Variants in SETD2 observed in about 807,000 individuals in gnomAD.
SETD2 encodes histone-lysine N-methyltransferase SETD2.
Under a neutral mutation model 242.1 loss-of-function variants are expected in SETD2, and 31 were observed. That is an observed-to-expected ratio of 0.13 (90% CI 0.10 to 0.17). SETD2 has a LOEUF of 0.17. Ranked by LOEUF, SETD2 falls within the 10% of genes least tolerant of loss-of-function variation. SETD2 has a pLI of 1.00. For synonymous variants in SETD2, 1,006 were observed against 1,066.5 expected (o/e 0.94, Z 1.11); for missense variants, 2,481 against 3,046.3 (o/e 0.81, Z 4.37).
chr3:47,075,043 A>T (rs1406737385), intron 12 of SETD2, among the ~76,000 whole-genome samples: 1 of 151,596 alleles, frequency 6.6e-6, no homozygotes, highest in Non-Finnish European at 1.5e-5. Flanking sequence ...CTGTGGCAGG[A>T]GAATGGCGTG....
intron 1 of SETD2, among the ~76,000 whole-genome samples, chr3:47,143,841 G>C (rs1431541985): frequency 1.3e-5 from 2 of 152,022 alleles, no homozygotes; most frequent in African/African-American, 4.8e-5. Flanking sequence ...CTCCCGAGTA[G>C]CTGGGACTAC....
intron 15 of SETD2, among the ~76,000 whole-genome samples, chr3:47,053,336 G>A (rs1365598314): frequency 6.6e-6 from 1 of 152,090 alleles, no homozygotes; most frequent in Non-Finnish European, 1.5e-5. Flanking sequence ...TTTATACTAT[G>A]TCAGTGCAAA....
chr3:47,074,132 T>C (rs902144564), intron 12 of SETD2, among the ~76,000 whole-genome samples: 5 of 152,198 alleles, frequency 3.3e-5, no homozygotes, highest in African/African-American at 4.8e-5. Flanking sequence ...TAAAATAATA[T>C]GCAGTTCTGA....
rs1575682673 is a variant in SETD2 at position 47,046,508 on chromosome 3, C to G, written c.7077G>C (p.Gly2359=). 4 of 1,607,752 alleles carry G rather than the reference C, an allele frequency of 2.5e-6. No individual in the cohort carries two copies. The highest frequency in any genetic ancestry group is 3.4e-6 in the Non-Finnish European group (4 of 1,176,484). The change falls in exon 16 of 21, where the codon GGG becomes GGC. Residue 2359 remains glycine, a synonymous_variant. Transcript: ENST00000409792. ...TTACTGGCTGCAAGGGCTGAGGCTG[C>G]CCTGGTGCAACTATTGTAGTCACTG... ...AAAVTTIVAP[G]QPQPLQPSEM...
chr3:47,100,647 A>G (rs2042173603), intron 8 of SETD2, among the ~76,000 whole-genome samples: 2 of 152,164 alleles, frequency 1.3e-5, no homozygotes, highest in Admixed American at 1.3e-4. Context: ...TTCAGTGTTA[A>G]TAAGAACTCT....
chr3:47,117,072 T>G (rs866062159), intron 3 of SETD2, among the ~76,000 whole-genome samples: 1 of 152,008 alleles, frequency 6.6e-6, no homozygotes, highest in African/African-American at 2.4e-5. Flanking sequence ...TCTATGTTAC[T>G]CAAGCTGGTC....
At chr3:47,048,092 T>C (rs1206286735) in intron 15 of SETD2, among the ~76,000 whole-genome samples, 1 of 152,032 alleles carries the variant, frequency 6.6e-6, no homozygotes, top group Non-Finnish European at 1.5e-5. Flanking sequence ...AAAAATACAG[T>C]ATAAAAATTT....
chr3:47,124,076 G>A lies in SETD2; in HGVS notation c.560C>T (p.Pro187Leu), dbSNP rs906591354. 3 of 1,551,796 alleles carry A rather than the reference G, an allele frequency of 1.9e-6. No homozygotes were observed. The African/African-American group carries it at 4.1e-5, about 21-fold the overall frequency. ...TGGAGGCGGTGGAGGCGGAGATGAG[G>A]GCGGTGAGTCTACAGTTGTTGATTC... ...IAESTTVDSP[P>L]SSPPPPPPPA... Residue 187 changes from proline (P) to leucine (L), a missense_variant, in exon 3 of 21, where the codon CCC becomes CTC. Pro to Leu is a moderately conservative substitution (Grantham distance 98, BLOSUM62 -3). Coordinates refer to ENST00000409792, the MANE Select transcript of SETD2 (RefSeq NM_014159.7).
chr3:47,082,820 C>A (rs1301426608), intron 12 of SETD2, among the ~76,000 whole-genome samples: 1 of 152,308 alleles, frequency 6.6e-6, no homozygotes, highest in East Asian at 1.9e-4. Context: ...ATCACAGGAT[C>A]TAATGGAGTG....
chr3:47,154,408 C>G (rs1194503623), intron 1 of SETD2, among the ~76,000 whole-genome samples: 1 of 150,208 alleles, frequency 6.7e-6, no homozygotes, highest in African/African-American at 2.5e-5. Flanking sequence ...GACTCCATAT[C>G]AAAAAGAAAG....
Position 47,122,503 on chromosome 3 carries a change from G to C in SETD2, c.2133C>G (p.Val711=), listed in dbSNP as rs749379736. 1.2e-6 allele frequency: 2 copies of C among 1,613,606 alleles called. No individual in the cohort carries two copies. The highest frequency in any genetic ancestry group is 1.7e-6 in the Non-Finnish European group (2 of 1,179,712). ...CATTTGATGAAAGCATGCATGCTTTGACCAAAGGGGATAATTCCGATCCAG... is the reference window on the plus strand; with the variant it reads ...CATTTGATGAAAGCATGCATGCTTTCACCAAAGGGGATAATTCCGATCCAG... ...SVTGSELSPL[V]KACMLSSNGF... Residue 711 remains valine, a synonymous_variant, in exon 3 of 21, where the codon GTC becomes GTG. Coordinates refer to ENST00000409792, the MANE Select transcript of SETD2 (RefSeq NM_014159.7).
intron 1 of SETD2, among the ~76,000 whole-genome samples, chr3:47,129,684 A>C (rs1478712891): frequency 1.3e-5 from 2 of 152,180 alleles, no homozygotes; most frequent in East Asian, 1.9e-4. Context: ...TTAGGAGTTC[A>C]AGACCACCCT....
Position 47,121,050 on chromosome 3 carries a change from A to G in SETD2, c.3586T>C (p.Ser1196Pro), listed in dbSNP as rs770731608. 8.7e-6 allele frequency: 14 copies of G among 1,614,034 alleles called. No individual in the cohort carries two copies. In the South Asian group the frequency reaches 1.5e-4, roughly 18 times the overall value. ...ATTGGCAGCTCTTCTTGCTGCCTAGAAGGTATTTTGGCTTTCACGGTTTCC... is the reference window on the plus strand; with the variant it reads ...ATTGGCAGCTCTTCTTGCTGCCTAGGAGGTATTTTGGCTTTCACGGTTTCC... ...SEETVKAKIP[S>P]RQQEELPIYS... The change falls in exon 3 of 21, where the codon TCT (serine) becomes CCT (proline). Residue 1196 changes from serine to proline, a missense_variant. By Grantham distance (74) the Ser-to-Pro change is moderately conservative. Around this residue, in one of 17 missense-constraint regions of SETD2, gnomAD observed 1,300 missense variants for 1,259.2 expected, o/e 1.03. Transcript: ENST00000409792.
intron 2 of SETD2, 71 bp from the exon 3 acceptor site, chr3:47,124,619 A>G: frequency 7.6e-7 from 1 of 1,308,284 alleles, no homozygotes. Context: ...CACAGTTTAA[A>G]ATGTTTACTG....
intron 18 of SETD2, among the ~76,000 whole-genome samples, chr3:47,035,862 T>C (rs562816962): frequency 1.3e-5 from 2 of 152,222 alleles, no homozygotes; most frequent in Non-Finnish European, 2.9e-5. Flanking sequence ...TAAGCTTACA[T>C]ATAATTTAAA....
intron 2 of SETD2, 95 bp from the exon 3 acceptor site, chr3:47,124,643 C>T: frequency 9.2e-7 from 1 of 1,090,292 alleles, no homozygotes; most frequent in Non-Finnish European, 1.3e-6. Flanking sequence ...AAATGAAAAG[C>T]CCTTTTTAAT....
intron 18 of SETD2, among the ~76,000 whole-genome samples, chr3:47,032,874 T>G (rs779324486): frequency 6.6e-6 from 1 of 151,520 alleles, no homozygotes; most frequent in Non-Finnish European, 1.5e-5. Context: ...ATCGCACCAC[T>G]GCACCCCAGC....
intron 1 of SETD2, among the ~76,000 whole-genome samples, chr3:47,159,833 G>A (rs1186656030): frequency 6.6e-6 from 1 of 152,052 alleles, no homozygotes; most frequent in Non-Finnish European, 1.5e-5. Context: ...AAATTAGCCA[G>A]GCACAGTGGC....
intron 1 of SETD2, among the ~76,000 whole-genome samples, chr3:47,144,439 C>T (rs776607217): frequency 6.0e-5 from 9 of 151,244 alleles, no homozygotes; most frequent in Non-Finnish European, 1.2e-4. Flanking sequence ...GAGAGCGAGA[C>T]CATCCTGGCC....
Sources: allele counts gnomAD v4.1 joint callset (sites outside exome capture counted in the v4.1 genomes callset), GRCh38; gene constraint gnomAD v4.1.1; regional missense constraint gnomAD v4.1.1; transcripts MANE v1.5; gene names NCBI Gene and HGNC (gene_info 2026-07-23, HGNC 2026-07-21).